Variants in SGCZ observed in about 807,000 individuals in gnomAD.
SGCZ encodes the protein zeta-sarcoglycan.
Under a neutral mutation model 41.3 loss-of-function variants are expected in SGCZ, and 40 were observed. The observed-to-expected ratio is 0.97, with a 90% CI of 0.75 to 1.26. The LOEUF is 1.26. SGCZ is among the 50% of genes most tolerant of loss of function. SGCZ has a pLI of 0.00. For missense variants in SGCZ, 552 were observed against 369.8 expected (o/e 1.49, Z -4.04); for synonymous variants, 206 against 137.5 (o/e 1.50, Z -3.49).
At chr8:14,570,204 C>G (rs924495074) in intron 1 of SGCZ, among the ~76,000 whole-genome samples, 4 of 152,126 alleles carry the variant, frequency 2.6e-5, no homozygotes, top group African/African-American at 7.2e-5. Context: ...CTCAATAATA[C>G]TTACTGAATA....
chr8:14,129,727 C>T (rs75760951), intron 5 of SGCZ, among the ~76,000 whole-genome samples: 1 of 150,742 alleles, frequency 6.6e-6, no homozygotes, highest in South Asian at 2.1e-4. Context: ...AAAGTAATTC[C>T]ATTGACAATA....
intron 1 of SGCZ, among the ~76,000 whole-genome samples, chr8:14,792,373 C>G (rs1262005911): frequency 1.3e-5 from 2 of 152,040 alleles, no homozygotes; most frequent in Non-Finnish European, 2.9e-5. Context: ...ATCAAGTCCC[C>G]TTTTGTAGAA....
chr8:14,869,578 A>T (rs1003513478), intron 1 of SGCZ, among the ~76,000 whole-genome samples: 3 of 152,192 alleles, frequency 2.0e-5, no homozygotes, highest in Non-Finnish European at 4.4e-5. Flanking sequence ...AGTGTTGGAA[A>T]TTCTGTCCAG....
chr8:14,093,443 A>G (rs576175931), intron 7 of SGCZ, among the ~76,000 whole-genome samples: 5 of 152,238 alleles, frequency 3.3e-5, no homozygotes, highest in Admixed American at 2.6e-4. Flanking sequence ...GATCTGGCCT[A>G]TCTCTCTAAC....
chr8:15,011,836 T>C (rs953522143), intron 1 of SGCZ, among the ~76,000 whole-genome samples: 32 of 152,198 alleles, frequency 2.1e-4, no homozygotes, highest in African/African-American at 7.5e-4. Context: ...ATTAATTATA[T>C]TGATGGTGGC....
chr8:14,590,489 G>T (rs898861464), intron 1 of SGCZ, among the ~76,000 whole-genome samples: 2 of 151,352 alleles, frequency 1.3e-5, no homozygotes, highest in African/African-American at 4.8e-5. Flanking sequence ...CTTTTACTCA[G>T]ATACGTGATA....
intron 1 of SGCZ, among the ~76,000 whole-genome samples, chr8:14,895,600 A>G (rs1439866940): frequency 6.6e-6 from 1 of 152,192 alleles, no homozygotes; most frequent in Non-Finnish European, 1.5e-5. Context: ...AAGTGGTATT[A>G]CCTCTTCATA....
intron 1 of SGCZ, among the ~76,000 whole-genome samples, chr8:14,658,649 C>A (rs531602354): frequency 6.6e-6 from 1 of 152,198 alleles, no homozygotes; most frequent in African/African-American, 2.4e-5. Context: ...ATCCTTTTGC[C>A]TGAAGTCTTT....
intron 1 of SGCZ, among the ~76,000 whole-genome samples, chr8:15,221,275 G>A (rs547836053): frequency 6.6e-6 from 1 of 152,148 alleles, no homozygotes; most frequent in Non-Finnish European, 1.5e-5. Context: ...ACACTTAACT[G>A]CAAATGAAAT....
chr8:14,524,678 G>A (rs1802886851), intron 2 of SGCZ, among the ~76,000 whole-genome samples: 1 of 151,970 alleles, frequency 6.6e-6, no homozygotes, highest in South Asian at 2.1e-4. Context: ...CTAACCAATT[G>A]ATAGGAAATT....
In SGCZ at chr8:14,849,902, A is replaced by G. The variant is rs970690720; in HGVS notation, c.40-294976T>C. The stretch of plus-strand genomic sequence containing the variant: ...TAAATTAGGCACTTTTTAAAAAGCA[A>G]AATGTCTCTTTTATTTCTTTATCTT... On this transcript the variant is annotated intron_variant, in intron 1 of 7. Transcript: ENST00000382080. Among the ~76,000 whole-genome samples the G allele has an allele frequency of 3.9e-5, 6 of 152,192 alleles. 1 individual carries two copies. The East Asian group carries it at 7.7e-4, about 19-fold the overall frequency.
intron 4 of SGCZ, among the ~76,000 whole-genome samples, chr8:14,228,473 C>A (rs1365337688): frequency 6.6e-6 from 1 of 152,012 alleles, no homozygotes; most frequent in African/African-American, 2.4e-5. Context: ...TATTAAAATT[C>A]AAACACTAGA....
At chr8:15,145,163 G>C (rs181951480) in intron 1 of SGCZ, among the ~76,000 whole-genome samples, 2 of 152,244 alleles carry the variant, frequency 1.3e-5, no homozygotes, top group Non-Finnish European at 2.9e-5. Flanking sequence ...CTCTGTGAAG[G>C]TTATAACTAA....
intron 5 of SGCZ, among the ~76,000 whole-genome samples, chr8:14,151,177 T>A (rs1032953695): frequency 2.6e-5 from 4 of 152,140 alleles, no homozygotes; most frequent in Admixed American, 6.6e-5. Flanking sequence ...TTAAAGAGTA[T>A]AATTGAATTA....
intron 1 of SGCZ, among the ~76,000 whole-genome samples, chr8:14,975,807 A>ATGTG (rs1302792222): frequency 6.2e-5 from 7 of 112,460 alleles, no homozygotes; most frequent in Admixed American, 1.7e-4. Context: ...ATATATATAT[A>ATGTG]TATGTGTGTG....
At chr8:14,951,844 C>T (rs988265737) in intron 1 of SGCZ, among the ~76,000 whole-genome samples, 2 of 151,986 alleles carry the variant, frequency 1.3e-5, no homozygotes, top group African/African-American at 4.8e-5. Context: ...AGAAAATTAA[C>T]CTTTTTTATA....
At chr8:14,655,568 G>C (rs1807539019) in intron 1 of SGCZ, among the ~76,000 whole-genome samples, 1 of 152,002 alleles carries the variant, frequency 6.6e-6, no homozygotes, top group South Asian at 2.1e-4. Flanking sequence ...TTTATTTTGA[G>C]ATAATTGGAA....
intron 1 of SGCZ, among the ~76,000 whole-genome samples, chr8:14,654,290 G>A (rs1473207949): frequency 1.3e-5 from 2 of 151,738 alleles, no homozygotes; most frequent in African/African-American, 2.4e-5. Context: ...CCCACCTCGG[G>A]AGGAATCCCA....
At chr8:14,272,609 T>C (rs930008466) in intron 3 of SGCZ, among the ~76,000 whole-genome samples, 2 of 152,194 alleles carry the variant, frequency 1.3e-5, no homozygotes, top group Non-Finnish European at 2.9e-5. Flanking sequence ...TGCTAACTGC[T>C]GTATGGTACC....
Sources: allele counts gnomAD v4.1 joint callset (sites outside exome capture counted in the v4.1 genomes callset), GRCh38; gene constraint gnomAD v4.1.1; transcripts MANE v1.5; gene names NCBI Gene and HGNC (gene_info 2026-07-23, HGNC 2026-07-21).